Variants in RAB30 observed in about 807,000 individuals in gnomAD.
RAB30 encodes ras-related protein Rab-30.
Under a neutral mutation model 25.1 loss-of-function variants are expected in RAB30, and 9 were observed. The observed-to-expected ratio is 0.36, with a 90% CI of 0.22 to 0.63. The LOEUF is 0.63. RAB30 is among the 20% of genes least tolerant of loss of function. RAB30 has a pLI of 0.69. For synonymous variants in RAB30, 77 were observed against 86.4 expected (o/e 0.89, Z 0.60); for missense variants, 140 against 243.5 (o/e 0.58, Z 2.83).
intron 1 of RAB30, among the ~76,000 whole-genome samples, chr11:83,047,559 A>G (rs1858259324): frequency 6.6e-6 from 1 of 152,244 alleles, no homozygotes; most frequent in South Asian, 2.1e-4. Context: ...CAAGCCAAGG[A>G]AAGTCTTGAG....
intron 1 of RAB30, among the ~76,000 whole-genome samples, chr11:83,053,457 G>A (rs1327237017): frequency 2.6e-5 from 4 of 151,974 alleles, no homozygotes; most frequent in Admixed American, 6.6e-5. Context: ...GTAACTCAGC[G>A]GTACTTAGTA....
At chr11:82,992,774 G>A (rs1290021642) in intron 3 of RAB30, among the ~76,000 whole-genome samples, 1 of 71,532 alleles carries the variant, frequency 1.4e-5, no homozygotes, top group Admixed American at 1.4e-4. Flanking sequence ...CACACACACG[G>A]TCTCGTTCTG....
chr11:83,054,826 C>T (rs771084693), intron 1 of RAB30, among the ~76,000 whole-genome samples: 1 of 152,010 alleles, frequency 6.6e-6, no homozygotes, highest in Non-Finnish European at 1.5e-5. Flanking sequence ...GTGATCATGC[C>T]ACTGCACTCC....
At chr11:83,027,399 C>T (rs1251606945) in intron 1 of RAB30, among the ~76,000 whole-genome samples, 1 of 152,066 alleles carries the variant, frequency 6.6e-6, no homozygotes, top group Non-Finnish European at 1.5e-5. Context: ...GTTTCTTCTC[C>T]CGAGTACCAA....
chr11:83,027,591 A>G (rs965062273), intron 1 of RAB30, among the ~76,000 whole-genome samples: 3 of 152,192 alleles, frequency 2.0e-5, no homozygotes, highest in Admixed American at 1.3e-4. Context: ...GTTTCCTGAC[A>G]GTACTTTTTA....
chr11:83,050,400 G>C (rs1271300106), intron 1 of RAB30, among the ~76,000 whole-genome samples: 1 of 152,088 alleles, frequency 6.6e-6, no homozygotes, highest in Admixed American at 6.6e-5. Flanking sequence ...ATTCCTTCTT[G>C]AGCCCTATTG....
chr11:83,043,922 T>G (rs1858183518), intron 1 of RAB30, among the ~76,000 whole-genome samples: 1 of 152,104 alleles, frequency 6.6e-6, no homozygotes, highest in African/African-American at 2.4e-5. Context: ...GAAGTAGATA[T>G]AAAGTGCAGT....
At chr11:82,997,199 C>T (rs770021822) in intron 2 of RAB30, 25 bp downstream of exon 2, 13 of 1,570,060 alleles carry the variant, frequency 8.3e-6, no homozygotes, top group African/African-American at 1.4e-5. Flanking sequence ...CCTGGGCTTA[C>T]GAGTTCCCTT....
rs1247445354 is a variant in RAB30, at chr11:83,042,015, G to A, written c.-9+29676C>T. On this transcript the variant is annotated intron_variant, in intron 1 of 4. Coordinates refer to ENST00000527633, the MANE Select transcript of RAB30 (RefSeq NM_001286060.2). ...ACTGCACTCCAGCCTGGGCAACAGA[G>A]TGAGACTCTGTCTCAAAAAAAAAAA... 3.5e-5 allele frequency among the ~76,000 whole-genome samples: 5 copies of A among 143,878 alleles called. 1 individual carries two copies. 94.4% of individuals were successfully genotyped at this position (143,878 alleles called of 152,430 possible). A position where few individuals can be genotyped will look rare whatever the true frequency, so the allele number is the denominator to read the frequency against.
intron 1 of RAB30, among the ~76,000 whole-genome samples, chr11:83,021,638 A>G (rs931511483): frequency 2.6e-5 from 4 of 152,216 alleles, no homozygotes; most frequent in Admixed American, 6.5e-5. Flanking sequence ...GAGGCATGGG[A>G]TCCAGCCCGG....
chr11:83,051,891 A>C (rs1371129412), intron 1 of RAB30, among the ~76,000 whole-genome samples: 1 of 152,220 alleles, frequency 6.6e-6, no homozygotes, highest in Non-Finnish European at 1.5e-5. Context: ...TAGCTCTAAG[A>C]ATTCAAATAA....
chr11:82,990,478 G>A (rs1329420247), intron 3 of RAB30, among the ~76,000 whole-genome samples: 2 of 152,210 alleles, frequency 1.3e-5, no homozygotes, highest in African/African-American at 4.8e-5. Flanking sequence ...CTAAGGGGCA[G>A]GGATGCTTTA....
intron 1 of RAB30, among the ~76,000 whole-genome samples, chr11:83,022,010 C>T (rs1216681468): frequency 1.3e-5 from 2 of 152,178 alleles, no homozygotes; most frequent in Non-Finnish European, 2.9e-5. Flanking sequence ...GCATCATAGG[C>T]ACTTAATTAA....
chr11:83,018,462 A>T (rs1471827973), intron 1 of RAB30, among the ~76,000 whole-genome samples: 1 of 152,038 alleles, frequency 6.6e-6, no homozygotes, highest in South Asian at 2.1e-4. Flanking sequence ...GCACTTTTTC[A>T]TGTTTATTGA....
chr11:83,012,069 A>C (rs116455948), intron 1 of RAB30, among the ~76,000 whole-genome samples: 5,342 of 152,144 alleles, frequency 0.035, 329 homozygotes, highest in African/African-American at 0.12. Context: ...TTTCAAACAA[A>C]AGAGTCCCTC....
At chr11:82,992,736 A>AACAC (rs113845129) in intron 3 of RAB30, among the ~76,000 whole-genome samples, 17,955 of 130,972 alleles carry the variant, frequency 0.14, 1,472 homozygotes, top group African/African-American at 0.23. Flanking sequence ...CTCTGTCACC[A>AACAC]ACACACACAC....
At chr11:82,990,580 A>C (rs1856830954) in intron 3 of RAB30, among the ~76,000 whole-genome samples, 1 of 152,214 alleles carries the variant, frequency 6.6e-6, no homozygotes, top group Admixed American at 6.5e-5. Flanking sequence ...ATACATATAA[A>C]TACTTTCATG....
rs555091782 is a variant in RAB30 at position 83,028,548 on chromosome 11, A to C, written c.-8-31224T>G. 1.1e-4 allele frequency among the ~76,000 whole-genome samples: 16 copies of C among 152,302 alleles called. 1 individual carries two copies. The highest frequency in any genetic ancestry group is 3.8e-4 in the African/African-American group (16 of 41,578). On this transcript the variant is annotated intron_variant, in intron 1 of 4. Transcript: ENST00000527633. Reference sequence around the variant, plus strand: ...GAGAAGATTTTACAAACTGTCAGAGAGGAGGGAAAGACAAATAGGTTATAT... The same window carrying C: ...GAGAAGATTTTACAAACTGTCAGAGCGGAGGGAAAGACAAATAGGTTATAT...
At position 82,981,667 on chromosome 11, in the gene RAB30, A is replaced by G. The variant is rs894277419; in HGVS notation, c.*498T>C. 6.5e-6 allele frequency: 1 copy of G among 153,504 alleles called. No homozygotes were observed. The highest frequency in any genetic ancestry group is 1.5e-5 in the Non-Finnish European group (1 of 68,710). The allele number at this position is 153,504 out of a possible 1,614,324, so 9.5% of individuals were successfully genotyped here. A position where few individuals can be genotyped will look rare whatever the true frequency, so the allele number is the denominator to read the frequency against. On this transcript the variant is annotated 3_prime_UTR_variant, in exon 5 of 5. Coordinates refer to ENST00000527633, the MANE Select transcript of RAB30 (RefSeq NM_001286060.2). ...AGTGCCTGTGGACAAGAGAAATAAC[A>G]CTTTTCAAAATCTCCATGGGGTCGT...
Sources: allele counts gnomAD v4.1 joint callset (sites outside exome capture counted in the v4.1 genomes callset), GRCh38; gene constraint gnomAD v4.1.1; transcripts MANE v1.5; gene names NCBI Gene and HGNC (gene_info 2026-07-23, HGNC 2026-07-21).